Variants in TRRAP observed in about 807,000 individuals in gnomAD.
TRRAP encodes the protein transformation/transcription domain associated protein.
TRRAP carries 41 observed loss-of-function variants against 438.8 expected under a neutral mutation model. That is an observed-to-expected ratio of 0.09 (90% confidence interval 0.07 to 0.12). TRRAP has a LOEUF of 0.12. Ranked by LOEUF, TRRAP falls within the 10% of genes least tolerant of loss-of-function variation. TRRAP has a pLI of 1.00. For missense variants in TRRAP, 3,122 were observed against 5,055.1 expected, an observed-to-expected ratio of 0.62 and a Z score of 11.60; for synonymous variants, 1,994 against 1,962.9, an observed-to-expected ratio of 1.02 and a Z score of -0.42.
At chr7:98,940,938 TA>T (rs1459719798) in intron 30 of TRRAP, among the ~76,000 whole-genome samples, 1 of 152,208 alleles carries the variant, frequency 6.6e-6, no homozygotes. Flanking sequence ...AGCAGAATTT[TA>T]AGAGCCAAGG....
chr7:98,939,755 G>T (rs1326245829), intron 30 of TRRAP, among the ~76,000 whole-genome samples: 1 of 152,174 alleles, frequency 6.6e-6, no homozygotes, highest in African/African-American at 2.4e-5. Flanking sequence ...TCACACATGA[G>T]GCCCATGAGC....
chr7:98,985,786 T>C (rs745566417), intron 62 of TRRAP, among the ~76,000 whole-genome samples: 2 of 152,238 alleles, frequency 1.3e-5, no homozygotes, highest in African/African-American at 4.8e-5. Context: ...TCTTTTTGTG[T>C]AATGTTTTAA....
intron 44 of TRRAP, 94 bp from the exon 45 acceptor site, chr7:98,959,250 T>A: frequency 6.5e-7 from 1 of 1,531,244 alleles, no homozygotes; most frequent in Non-Finnish European, 8.9e-7. Flanking sequence ...GAGACAGGTG[T>A]AAGGGCCAGG....
At position 98,962,424 on chromosome 7, in the gene TRRAP, T is replaced by G; in HGVS notation, c.6826T>G (p.Phe2276Val). 6.2e-7 allele frequency: 1 copy of G among 1,614,226 alleles called. No individual in the cohort carries two copies. Among genetic ancestry groups the G allele is most frequent in the Non-Finnish European group, 8.5e-7 (1 of 1,180,032 alleles). ...KATNANPSQL[F>V]GTLMILKSAC... ...CACCAATGCCAATCCCTCCCAGCTC[T>G]TCGGTGAGTGTGTGTCTGTCCTGGT... Residue 2276 changes from phenylalanine to valine, a missense_variant, in exon 47 of 73, where the codon TTC (phenylalanine) becomes GTC (valine). By Grantham distance (50) the Phe-to-Val change is conservative (BLOSUM62 -1). Around this residue, in one of 24 missense-constraint regions of TRRAP, gnomAD observed 992 missense variants for 1,281.2 expected, o/e 0.77. Transcript: ENST00000456197.
intron 18 of TRRAP, 43 bp downstream of exon 18, chr7:98,912,256 T>C: frequency 6.3e-7 from 1 of 1,588,598 alleles, no homozygotes; most frequent in East Asian, 2.3e-5. Context: ...TTCAGGGTTT[T>C]TTATTGTTGT....
At chr7:98,950,726 CT>C (rs1791296121) in intron 38 of TRRAP, 149 bp from the exon 39 acceptor site, 3 of 894,830 alleles carry the variant, frequency 3.4e-6, no homozygotes, top group African/African-American at 3.4e-5. Context: ...TCTAGTTGCT[CT>C]TTGCATAGGA....
intron 58 of TRRAP, among the ~76,000 whole-genome samples, chr7:98,980,765 C>G (rs1056567513): frequency 6.6e-6 from 1 of 152,224 alleles, no homozygotes; most frequent in Non-Finnish European, 1.5e-5. Context: ...CAAAATTACA[C>G]CCATGTGGCC....
At position 98,949,527 on chromosome 7, in the gene TRRAP, C is replaced by T. The variant is rs781880505; in HGVS notation, c.4899C>T (p.Pro1633=). ...GGGGTGCCCAGACGGCTGTGCGCCC[C>T]GGTTCGCCCAGCACCAGCACCATGC... The part of the protein sequence containing the change: ...LPGGAQTAVR[P]GSPSTSTMRL... Residue 1633 remains proline, a synonymous_variant, in exon 36 of 73, where the codon CCC becomes CCT. Transcript: ENST00000456197. The T allele has an allele frequency of 2.8e-5, 45 of 1,605,680 alleles. No individual in the cohort carries two copies. Among genetic ancestry groups the T allele is most frequent in the Non-Finnish European group, 3.4e-5 (40 of 1,176,732 alleles).
At chr7:98,895,691 A>C in intron 6 of TRRAP, 73 bp from the exon 7 acceptor site, 5 of 1,332,386 alleles carry the variant, frequency 3.8e-6, no homozygotes, top group Non-Finnish European at 5.1e-6. Context: ...GACAATTACA[A>C]CTTTTCTTAT....
chr7:98,972,601 C>G (rs1792469794), intron 53 of TRRAP, among the ~76,000 whole-genome samples: 1 of 152,198 alleles, frequency 6.6e-6, no homozygotes, highest in South Asian at 2.1e-4. Flanking sequence ...TCTGCAAACT[C>G]TCAGGTAAAT....
chr7:98,928,445 C>A (rs1198230588), intron 23 of TRRAP, among the ~76,000 whole-genome samples: 1 of 152,194 alleles, frequency 6.6e-6, no homozygotes, highest in East Asian at 1.9e-4. Context: ...TCCCCTTTAA[C>A]TTTTCTTGGC....
rs1246265263 is a variant in TRRAP, at chr7:98,956,089, A to G, written c.5938-57A>G. 3.2e-6 allele frequency: 5 copies of G among 1,565,554 alleles called. No homozygotes were observed. The African/African-American group carries it at 7.1e-5, about 22-fold the overall frequency. On this transcript the variant is annotated intron_variant, in intron 41 of 72. Transcript: ENST00000456197. This position sits in a 1 kb window ranked among gnomAD's most constrained non-coding sequence, Gnocchi z 4.5. ...TGTGTGTGCACGTGCGCACACGTGCATGCACTGTGGGACCAAGCTCCCATG... is the reference window on the plus strand; with the variant it reads ...TGTGTGTGCACGTGCGCACACGTGCGTGCACTGTGGGACCAAGCTCCCATG...
chr7:98,916,666 C>T (rs529834458), intron 19 of TRRAP, among the ~76,000 whole-genome samples: 1 of 152,308 alleles, frequency 6.6e-6, no homozygotes, highest in East Asian at 1.9e-4. Flanking sequence ...TTAATCCCTG[C>T]TGGAGCCCCT....
At chr7:98,963,678 G>C (rs1792026741) in intron 47 of TRRAP, among the ~76,000 whole-genome samples, 2 of 152,146 alleles carry the variant, frequency 1.3e-5, no homozygotes, top group South Asian at 2.1e-4. Flanking sequence ...AACCAGACTG[G>C]TCTTTTGTTG....
intron 35 of TRRAP, 143 bp from the exon 36 acceptor site, chr7:98,949,274 G>T: frequency 1.0e-6 from 1 of 967,110 alleles, no homozygotes; most frequent in South Asian, 3.8e-5. Context: ...TAAAAAGCAT[G>T]CGTGTGGTGC....
intron 15 of TRRAP, 41 bp from the exon 16 acceptor site, chr7:98,910,469 A>G: frequency 6.2e-7 from 1 of 1,613,484 alleles, no homozygotes; most frequent in Non-Finnish European, 8.5e-7. Context: ...TCATAAAGTG[A>G]GTTTTATTCA....
At position 98,974,850 on chromosome 7, in the gene TRRAP, A is replaced by C. The variant is rs116852041; in HGVS notation, c.7840-1299A>C. On this transcript the variant is annotated intron_variant, in intron 53 of 72. Coordinates refer to ENST00000456197, the MANE Select transcript of TRRAP (RefSeq NM_001375524.1). ...AACCATGCAGACAGTAACATGTAATAGTTTCTAACCTGATGCAGCTGTGCT... is the reference window on the plus strand; with the variant it reads ...AACCATGCAGACAGTAACATGTAATCGTTTCTAACCTGATGCAGCTGTGCT... Among the ~76,000 whole-genome samples the C allele has an allele frequency of 7.2e-5, 11 of 152,268 alleles. No homozygotes were observed. The East Asian group carries it at 1.5e-3, about 21-fold the overall frequency.
intron 13 of TRRAP, among the ~76,000 whole-genome samples, chr7:98,906,746 T>G (rs116953416): frequency 8.6e-5 from 13 of 152,030 alleles, no homozygotes; most frequent in Non-Finnish European, 2.9e-5. Context: ...AATTGCAGGA[T>G]TTTTGGAAAG....
chr7:98,960,377 G>A (rs1396733841), intron 45 of TRRAP, among the ~76,000 whole-genome samples: 2 of 152,118 alleles, frequency 1.3e-5, no homozygotes, highest in African/African-American at 4.8e-5. Flanking sequence ...TTTTGCTATT[G>A]AGATTATAAA....
Sources: gnomAD v4.1 joint callset for allele counts (sites outside exome capture counted in the v4.1 genomes callset) on GRCh38, gnomAD v4.1.1 for gene constraint, gnomAD v4.1.1 regional missense constraint, Gnocchi (gnomAD v3.1) non-coding constraint, MANE v1.5 for transcripts, NCBI Gene and HGNC (gene_info 2026-07-23, HGNC 2026-07-21) for gene names.